The following RARB variants were observed in gnomAD, a reference collection of about 807,000 sequenced individuals.
The protein encoded by RARB is HBV-activated protein.
A neutral mutation model predicts 51.9 loss-of-function variants in RARB; 17 were observed. The ratio of observed to expected loss-of-function variants is 0.33; its 90% CI spans 0.22 to 0.49. The LOEUF is 0.49. Ranked by LOEUF, RARB falls within the 20% of genes least tolerant of loss-of-function variation. The pLI is 0.99. For synonymous variants in RARB, 215 were observed against 195.4 expected (o/e 1.10, Z -0.84); for missense variants, 369 against 550.8 (o/e 0.67, Z 3.30).
intron 3 of RARB, among the ~76,000 whole-genome samples, chr3:25,101,115 G>C (rs2125321126): frequency 6.6e-6 from 1 of 152,254 alleles, no homozygotes; most frequent in African/African-American, 2.4e-5. Flanking sequence ...TTTTGTTACT[G>C]ACAGGTCTTG....
chr3:25,179,252 G>A (rs907970093), intron 5 of RARB, among the ~76,000 whole-genome samples: 5 of 152,172 alleles, frequency 3.3e-5, no homozygotes, highest in Non-Finnish European at 5.9e-5. Flanking sequence ...CTGATCGATT[G>A]AATTTCCTTA....
At chr3:25,310,905 T>C (rs965592831) in intron 5 of RARB, among the ~76,000 whole-genome samples, 1 of 152,198 alleles carries the variant, frequency 6.6e-6, no homozygotes, top group Non-Finnish European at 1.5e-5. Context: ...ATAAATTTGT[T>C]ACTCGGTTTA....
At chr3:25,345,966 C>G in intron 5 of RARB, 1 of 812,206 alleles carries the variant, frequency 1.2e-6, no homozygotes, top group South Asian at 5.7e-5. Context: ...TCTACAAAGT[C>G]TGCAGTTTGG....
chr3:25,092,238 G>A (rs1408664507), intron 3 of RARB, among the ~76,000 whole-genome samples: 2 of 152,138 alleles, frequency 1.3e-5, no homozygotes, highest in East Asian at 1.9e-4. Context: ...GTATCCAACC[G>A]AAAAGGTTGC....
intron 2 of RARB, among the ~76,000 whole-genome samples, chr3:24,879,698 G>T (rs578040032): frequency 5.1e-4 from 77 of 152,000 alleles, no homozygotes; most frequent in Admixed American, 2.6e-3. Flanking sequence ...TTGACTTGAG[G>T]GATTTAGGAT....
intron 3 of RARB, among the ~76,000 whole-genome samples, chr3:25,067,472 G>A (rs1447845499): frequency 6.6e-6 from 1 of 152,152 alleles, no homozygotes; most frequent in East Asian, 1.9e-4. Context: ...GACTGGAGTG[G>A]ATGTAGAGGA....
chr3:25,323,581 G>T (rs1174248455), intron 5 of RARB, among the ~76,000 whole-genome samples: 1 of 152,164 alleles, frequency 6.6e-6, no homozygotes, highest in Admixed American at 6.5e-5. Flanking sequence ...TGGGAAAGTA[G>T]ATGCCATAAC....
At chr3:24,970,914 T>C (rs1178591555) in intron 2 of RARB, among the ~76,000 whole-genome samples, 1 of 152,002 alleles carries the variant, frequency 6.6e-6, no homozygotes, top group Non-Finnish European at 1.5e-5. Flanking sequence ...GCTTATACTA[T>C]TTTCTCTAAT....
intron 2 of RARB, among the ~76,000 whole-genome samples, chr3:24,866,862 A>G (rs892627046): frequency 6.6e-6 from 1 of 152,102 alleles, no homozygotes; most frequent in Non-Finnish European, 1.5e-5. Context: ...TTTGGAAGCT[A>G]GGGTTTTTCA....
At chr3:25,068,069 G>C (rs1698697475) in intron 3 of RARB, among the ~76,000 whole-genome samples, 1 of 140,628 alleles carries the variant, frequency 7.1e-6, no homozygotes, top group Non-Finnish European at 1.5e-5. Flanking sequence ...AGGAGGTGGA[G>C]GTTGCAGTGA....
chr3:25,185,767 C>G (rs1444004046), intron 5 of RARB, among the ~76,000 whole-genome samples: 2 of 152,062 alleles, frequency 1.3e-5, no homozygotes, highest in Non-Finnish European at 2.9e-5. Flanking sequence ...TAGAATTTGT[C>G]TTTCATTTTT....
At chr3:24,848,863 T>C (rs1702518228) in intron 1 of RARB, among the ~76,000 whole-genome samples, 1 of 152,272 alleles carries the variant, frequency 6.6e-6, no homozygotes, top group Non-Finnish European at 1.5e-5. Flanking sequence ...TGGGTATGAC[T>C]GTCTATGCCT....
chr3:25,239,683 A>G (rs1702384095), intron 5 of RARB, among the ~76,000 whole-genome samples: 2 of 152,150 alleles, frequency 1.3e-5, no homozygotes, highest in African/African-American at 2.4e-5. Flanking sequence ...TGCCAATATA[A>G]TGCTGTTTTG....
At chr3:24,999,394 G>A (rs2125274131) in intron 2 of RARB, among the ~76,000 whole-genome samples, 1 of 152,210 alleles carries the variant, frequency 6.6e-6, no homozygotes, top group East Asian at 1.9e-4. Context: ...GTTTGGGGAG[G>A]ATGCCTCAAA....
intron 5 of RARB, among the ~76,000 whole-genome samples, chr3:25,420,493 C>T (rs1045362700): frequency 6.6e-6 from 1 of 152,202 alleles, no homozygotes; most frequent in African/African-American, 2.4e-5. Context: ...TTTATCAAAC[C>T]TGTTTAACTG....
chr3:25,029,437 C>G (rs892109352), intron 2 of RARB, among the ~76,000 whole-genome samples: 1 of 152,226 alleles, frequency 6.6e-6, no homozygotes, highest in Non-Finnish European at 1.5e-5. Flanking sequence ...TGGCTCTACT[C>G]TGCTTTGCAT....
chr3:25,102,432 C>T (rs1029936942), intron 3 of RARB, among the ~76,000 whole-genome samples: 8 of 151,648 alleles, frequency 5.3e-5, no homozygotes, highest in Admixed American at 3.9e-4. Context: ...CCCAACTACT[C>T]GGGGGGCTGA....
intron 5 of RARB, among the ~76,000 whole-genome samples, chr3:25,269,991 T>C (rs937297047): frequency 1.3e-5 from 2 of 152,108 alleles, no homozygotes; most frequent in Non-Finnish European, 2.9e-5. Flanking sequence ...GGCTATTATT[T>C]GGGGGGCAAA....
At chr3:25,583,606 G>A (rs1462008808) in intron 5 of RARB, among the ~76,000 whole-genome samples, 1 of 152,210 alleles carries the variant, frequency 6.6e-6, no homozygotes, top group Non-Finnish European at 1.5e-5. Flanking sequence ...ATCATGAGGT[G>A]AGAGCCCTCA....
Sources: gnomAD v4.1 joint callset for allele counts (sites outside exome capture counted in the v4.1 genomes callset) on GRCh38, gnomAD v4.1.1 for gene constraint, MANE v1.5 for transcripts, NCBI Gene and HGNC (gene_info 2026-07-23, HGNC 2026-07-21) for gene names.